The following ST8SIA6 variants were observed in gnomAD, a reference collection of about 807,000 sequenced individuals.
ST8SIA6 encodes the protein ST8 alpha-N-acetyl-neuraminide alpha-2,8-sialyltransferase 6.
In ST8SIA6, 39 loss-of-function variants were observed where a neutral mutation model predicts 33.6. The observed-to-expected ratio is 1.16, with a 90% CI of 0.90 to 1.52. The LOEUF (loss-of-function observed/expected upper bound fraction) is 1.52, where lower values mean the gene tolerates loss of function less well. Ranked by LOEUF, ST8SIA6 falls within the 40% of genes most tolerant of loss-of-function variation. The pLI, the probability that ST8SIA6 is intolerant of heterozygous loss-of-function variation, is 0.00. For missense variants in ST8SIA6, 441 were observed against 443.8 expected, an observed-to-expected ratio of 0.99 and a Z score of 0.06; for synonymous variants, 172 against 167.2, an observed-to-expected ratio of 1.03 and a Z score of -0.22.
intron 2 of ST8SIA6, chr10:17,410,085 A>C (rs962179044): frequency 1.5e-4 from 23 of 152,198 alleles, no homozygotes. Context: ...ACAGAATCCT[A>C]ATATGCTGGT....
At chr10:17,331,591 G>A (rs1439637545) in intron 4 of ST8SIA6, 39 bp from the exon 5 acceptor site, 5 of 1,571,568 alleles carry the variant, frequency 3.2e-6, no homozygotes, top group East Asian at 2.3e-5. Flanking sequence ...CAAAGTATAA[G>A]ATTAAGAAAC....
intron 3 of ST8SIA6, among the ~76,000 whole-genome samples, chr10:17,381,398 C>T (rs898213799): frequency 5.9e-5 from 9 of 151,942 alleles, no homozygotes; most frequent in Non-Finnish European, 1.0e-4. Context: ...ATGCCTAATA[C>T]GTCTTTATAT....
chr10:17,340,610 C>T (rs1293371051), intron 4 of ST8SIA6, among the ~76,000 whole-genome samples: 1 of 152,144 alleles, frequency 6.6e-6, no homozygotes, highest in African/African-American at 2.4e-5. Flanking sequence ...GAGACACACC[C>T]TTCTATAGAA....
At chr10:17,353,063 G>T (rs1849085559) in intron 4 of ST8SIA6, among the ~76,000 whole-genome samples, 1 of 152,090 alleles carries the variant, frequency 6.6e-6, no homozygotes, top group South Asian at 2.1e-4. Flanking sequence ...AATGAACTTA[G>T]TCTTGTATTA....
chr10:17,321,546 C>G (rs922825338), intron 7 of ST8SIA6, among the ~76,000 whole-genome samples, 200 bp from the exon 8 acceptor site: 2 of 152,162 alleles, frequency 1.3e-5, no homozygotes, highest in African/African-American at 4.8e-5. Context: ...CTTCATCTCT[C>G]TTTCTTGGAA....
chr10:17,436,437 A>G (rs556483229), intron 2 of ST8SIA6, among the ~76,000 whole-genome samples: 2 of 152,002 alleles, frequency 1.3e-5, no homozygotes, highest in South Asian at 4.2e-4. Flanking sequence ...TTTGTTACAT[A>G]TGTATACATG....
chr10:17,355,778 C>G (rs576410822), intron 4 of ST8SIA6, among the ~76,000 whole-genome samples: 2 of 152,280 alleles, frequency 1.3e-5, no homozygotes, highest in Non-Finnish European at 2.9e-5. Context: ...CTCTGATAAC[C>G]AGATCTCCAT....
At chr10:17,388,499 A>T (rs567542706) in intron 3 of ST8SIA6, among the ~76,000 whole-genome samples, 1 of 152,356 alleles carries the variant, frequency 6.6e-6, no homozygotes, top group South Asian at 2.1e-4. Flanking sequence ...CATTAAAAGA[A>T]GCAGTGTGTG....
chr10:17,334,356 G>T (rs1401411419), intron 4 of ST8SIA6, among the ~76,000 whole-genome samples: 1 of 151,188 alleles, frequency 6.6e-6, no homozygotes, highest in African/African-American at 2.4e-5. Flanking sequence ...TGGCTAACAC[G>T]GTGAAACCCC....
At chr10:17,437,084 C>A (rs1370193554) in intron 2 of ST8SIA6, among the ~76,000 whole-genome samples, 1 of 152,142 alleles carries the variant, frequency 6.6e-6, no homozygotes, top group East Asian at 1.9e-4. Flanking sequence ...GTGTGTATGC[C>A]CCAAATTGCA....
At chr10:17,354,773 A>T (rs1252050766) in intron 4 of ST8SIA6, among the ~76,000 whole-genome samples, 2 of 152,166 alleles carry the variant, frequency 1.3e-5, no homozygotes, top group African/African-American at 2.4e-5. Flanking sequence ...TTAGAAATAC[A>T]TTAGTCCATG....
intron 7 of ST8SIA6, 113 bp from the exon 8 acceptor site, chr10:17,321,459 T>C: frequency 3.6e-6 from 3 of 836,856 alleles, no homozygotes; most frequent in Non-Finnish European, 5.4e-6. Flanking sequence ...ATTTGTATAC[T>C]GTATATAAAA....
chr10:17,315,915 T>C lies in ST8SIA6; in HGVS notation c.*4963A>G, dbSNP rs1206149944. On this transcript the variant is annotated 3_prime_UTR_variant, in exon 8 of 8. Transcript: ENST00000377602. The stretch of plus-strand genomic sequence containing the variant: ...GACATGGGATAATACTGATTTTTCT[T>C]TTCATTTTATAATTGCATAATGGAA... 6.6e-6 allele frequency among the ~76,000 whole-genome samples: 1 copy of C among 152,026 alleles called. No individual in the cohort carries two copies. Among genetic ancestry groups the C allele is most frequent in the Non-Finnish European group, 1.5e-5 (1 of 67,888 alleles).
chr10:17,402,040 C>A (rs1242428476), intron 2 of ST8SIA6, among the ~76,000 whole-genome samples: 3 of 152,090 alleles, frequency 2.0e-5, no homozygotes, highest in African/African-American at 4.8e-5. Context: ...TCATCTGACA[C>A]AGGGCTAATA....
At chr10:17,325,155 TG>T (rs1848085894) in intron 6 of ST8SIA6, among the ~76,000 whole-genome samples, 1 of 141,274 alleles carries the variant, frequency 7.1e-6, no homozygotes, top group African/African-American at 2.5e-5. Flanking sequence ...GTATGCATAT[TG>T]TTATATAATA....
At chr10:17,391,330 C>T (rs1050189867) in intron 2 of ST8SIA6, among the ~76,000 whole-genome samples, 30 of 151,908 alleles carry the variant, frequency 2.0e-4, no homozygotes, top group Admixed American at 1.7e-3. Context: ...TGGTGCATCT[C>T]GACTCACTGC....
At chr10:17,448,081 G>A (rs1015954407) in intron 2 of ST8SIA6, among the ~76,000 whole-genome samples, 1 of 152,164 alleles carries the variant, frequency 6.6e-6, no homozygotes, top group African/African-American at 2.4e-5. Context: ...GATTATAGGT[G>A]TGAGCCACTG....
rs55794191 is a variant in ST8SIA6, at chr10:17,371,688, C to T, written c.291-12088G>A. ...ATAATCCCAGTTACTTGGGAGGTTG[C>T]GACAGGAGAATCGCTTGAACCCAGG... On this transcript the variant is annotated intron_variant, in intron 3 of 7. Transcript: ENST00000377602. 8.1e-5 allele frequency among the ~76,000 whole-genome samples: 12 copies of T among 148,816 alleles called. No individual in the cohort carries two copies. In the East Asian group the frequency reaches 1.0e-3, roughly 13 times the overall value.
In ST8SIA6 at chr10:17,333,692, TA is replaced by T. The variant is rs1848383052; in HGVS notation, c.378-2141del. ...GCTGGGATATATATATATATATATA[TA>T]TATATATATATATATATATATATAT... On this transcript the variant is annotated intron_variant, in intron 4 of 7. Coordinates refer to ENST00000377602, the MANE Select transcript of ST8SIA6 (RefSeq NM_001004470.3). 6.1e-3 allele frequency among the ~76,000 whole-genome samples: 177 copies of T among 29,080 alleles called. 8 individuals are homozygous for T. Among genetic ancestry groups the T allele is most frequent in the East Asian group, 0.018 (10 of 566 alleles). The allele number at this position is 29,080 out of a possible 152,430, so 19.1% of individuals were successfully genotyped here. A position where few individuals can be genotyped will look rare whatever the true frequency, so the allele number is the denominator to read the frequency against.
Sources: allele counts gnomAD v4.1 joint callset (sites outside exome capture counted in the v4.1 genomes callset), GRCh38; gene constraint gnomAD v4.1.1; transcripts MANE v1.5; gene names NCBI Gene and HGNC (gene_info 2026-07-23, HGNC 2026-07-21).